The following ACADSB variants were observed in gnomAD, a reference collection of about 807,000 sequenced individuals.
The protein encoded by ACADSB is short/branched chain specific acyl-CoA dehydrogenase, mitochondrial.
Under a neutral mutation model 54.1 loss-of-function variants are expected in ACADSB, and 40 were observed. The observed-to-expected ratio is 0.74, with a 90% CI of 0.57 to 0.96. The LOEUF (loss-of-function observed/expected upper bound fraction) is 0.96, where lower values mean the gene tolerates loss of function less well. ACADSB is among the 40% of genes least tolerant of loss of function. The pLI is 0.00. For missense variants in ACADSB, 530 were observed against 510.4 expected (o/e 1.04, Z -0.37); for synonymous variants, 182 against 182.8 (o/e 1.00, Z 0.03).
intron 1 of ACADSB, among the ~76,000 whole-genome samples, chr10:123,012,902 T>C (rs1016101638): frequency 1.3e-5 from 2 of 152,196 alleles, no homozygotes; most frequent in African/African-American, 4.8e-5. Context: ...ATTGGATTGG[T>C]CTGTTTTGAC....
intron 1 of ACADSB, among the ~76,000 whole-genome samples, chr10:123,032,110 G>A (rs1235133109): frequency 6.6e-6 from 1 of 151,964 alleles, no homozygotes; most frequent in Non-Finnish European, 1.5e-5. Context: ...CTCCCGAGTA[G>A]CTGGGATTAC....
At chr10:123,040,143 C>G (rs1027873825) in intron 3 of ACADSB, among the ~76,000 whole-genome samples, 1 of 149,550 alleles carries the variant, frequency 6.7e-6, no homozygotes, top group African/African-American at 2.5e-5. Context: ...GTCAGGGGTT[C>G]GAGACCAGAC....
At chr10:123,051,239 T>TTTCAGATATA in intron 9 of ACADSB, 53 bp downstream of exon 9, 1 of 1,476,374 alleles carries the variant, frequency 6.8e-7, no homozygotes, top group Non-Finnish European at 9.0e-7. Flanking sequence ...CCTTTTTTTT[T>TTTCAGATATA]TCAGATATAT....
At chr10:123,025,466 A>AAAATAAATAAAT (rs74899167) in intron 1 of ACADSB, among the ~76,000 whole-genome samples, 3 of 150,388 alleles carry the variant, frequency 2.0e-5, no homozygotes, top group African/African-American at 4.9e-5. Flanking sequence ...CCTGTCACGA[A>AAAATAAATAAAT]AAATAAATAA....
chr10:123,052,862 G>A lies in ACADSB; in HGVS notation c.1129-199G>A. The A allele has an allele frequency of 1.6e-6, 1 of 618,762 alleles. No individual in the cohort carries two copies. Among genetic ancestry groups the A allele is most frequent in the Non-Finnish European group, 2.9e-6 (1 of 340,870 alleles). 38.3% of individuals were successfully genotyped at this position (618,762 alleles called of 1,614,324 possible). A position where few individuals can be genotyped will look rare whatever the true frequency, so the allele number is the denominator to read the frequency against. ...ATGCTCTAATTTCTTAAGAAAATGG[G>A]GATTCTGTGAATTAATAGGATGTTT... On this transcript the variant is annotated intron_variant, in intron 9 of 10. Transcript: ENST00000358776. The surrounding 1 kb of genome is among the most constrained non-coding windows in gnomAD (Gnocchi z 4.2).
chr10:123,009,172 G>A lies in ACADSB; in HGVS notation c.42+101G>A, dbSNP rs916490844. ...CTAACGGGCCTCGGGGCGCCGGCCT[G>A]AGCCCCGCTCCACGTCCTGGGTCCC... On this transcript the variant is annotated intron_variant, in intron 1 of 10. Coordinates refer to ENST00000358776, the MANE Select transcript of ACADSB (RefSeq NM_001609.4). 2.0e-5 allele frequency: 26 copies of A among 1,311,298 alleles called. No individual in the cohort carries two copies. The African/African-American group carries it at 2.2e-4, about 11-fold the overall frequency. 81.2% of individuals were successfully genotyped at this position (1,311,298 alleles called of 1,614,324 possible).
intron 1 of ACADSB, among the ~76,000 whole-genome samples, chr10:123,033,031 C>A (rs982155295): frequency 1.9e-4 from 29 of 152,122 alleles, no homozygotes; most frequent in African/African-American, 6.5e-4. Context: ...TCTCCTTTAC[C>A]CTTCTTTTTA....
intron 8 of ACADSB, among the ~76,000 whole-genome samples, chr10:123,047,709 C>T (rs923708497): frequency 6.6e-6 from 1 of 152,082 alleles, no homozygotes; most frequent in African/African-American, 2.4e-5. Flanking sequence ...CTTACTTACC[C>T]CGGTTTAAAT....
intron 5 of ACADSB, 54 bp from the exon 6 acceptor site, chr10:123,042,992 A>T: frequency 2.5e-6 from 4 of 1,599,566 alleles, no homozygotes; most frequent in Non-Finnish European, 3.4e-6. Flanking sequence ...ACTCTTCAGA[A>T]ACAAGGCGTT....
At chr10:123,027,685 C>A in intron 1 of ACADSB, 2 of 346,508 alleles carry the variant, frequency 5.8e-6, no homozygotes, top group Middle Eastern at 9.9e-4. Context: ...AACATGGTAA[C>A]CCCTTGTTCC....
chr10:123,035,949 G>A (rs956830324), intron 2 of ACADSB, among the ~76,000 whole-genome samples: 5 of 152,226 alleles, frequency 3.3e-5, no homozygotes, highest in Non-Finnish European at 4.4e-5. Flanking sequence ...AAGTTCAGCT[G>A]ATTTGGAAGC....
At chr10:123,044,241 T>G (rs991437079) in intron 6 of ACADSB, 152 bp from the exon 7 acceptor site, 4 of 682,322 alleles carry the variant, frequency 5.9e-6, no homozygotes, top group African/African-American at 5.3e-5. Context: ...CAGAGAGCTG[T>G]GGAAAAACAG....
rs1850365623 is a variant in ACADSB at position 123,034,222 on chromosome 10, A to C, written c.43-134A>C. On this transcript the variant is annotated intron_variant, in intron 1 of 10. Transcript: ENST00000358776. ...ACAACTAATTTGTGTTATGTTTAAAAGACTGAATTTAAAAATGCGCTAGGT... is the reference window on the plus strand; with the variant it reads ...ACAACTAATTTGTGTTATGTTTAAACGACTGAATTTAAAAATGCGCTAGGT... 3 of 876,230 alleles carry C rather than the reference A, an allele frequency of 3.4e-6. No individual in the cohort carries two copies. The South Asian group carries it at 4.6e-5, about 13-fold the overall frequency. 54.3% of individuals were successfully genotyped at this position (876,230 alleles called of 1,614,324 possible).
rs923302721 is a variant in ACADSB at position 123,058,230 on chromosome 10, C to T, written c.*4465C>T. On this transcript the variant is annotated 3_prime_UTR_variant, in exon 11 of 11. Coordinates refer to ENST00000358776, the MANE Select transcript of ACADSB (RefSeq NM_001609.4). Reference sequence around the variant, plus strand: ...TTAATGTTATATATTGGATTGTATTCGATGTTACAAAACCAATATTCTATG... The same window carrying T: ...TTAATGTTATATATTGGATTGTATTTGATGTTACAAAACCAATATTCTATG... 4 of 151,678 alleles carry T rather than the reference C, an allele frequency of 2.6e-5. No individual in the cohort carries two copies. Among genetic ancestry groups the T allele is most frequent in the Non-Finnish European group, 4.4e-5 (3 of 67,962 alleles). The allele number at this position is 151,678 out of a possible 1,614,324, so 9.4% of individuals were successfully genotyped here.
rs1304531218 is a variant in ACADSB, at chr10:123,058,245, A to T, written c.*4480A>T. ...GGATTGTATTCGATGTTACAAAACC[A>T]ATATTCTATGGAGAATGAAAAAAAT... On this transcript the variant is annotated 3_prime_UTR_variant, in exon 11 of 11. Coordinates refer to ENST00000358776, the MANE Select transcript of ACADSB (RefSeq NM_001609.4). The T allele has an allele frequency of 6.6e-6, 1 of 152,258 alleles. No homozygotes were observed. The highest frequency in any genetic ancestry group is 1.5e-5 in the Non-Finnish European group (1 of 68,040). 9.4% of individuals were successfully genotyped at this position (152,258 alleles called of 1,614,324 possible).
chr10:123,038,289 C>T (rs1850425788), intron 3 of ACADSB, among the ~76,000 whole-genome samples: 1 of 152,166 alleles, frequency 6.6e-6, no homozygotes, highest in Admixed American at 6.5e-5. Context: ...CATGAAGAAA[C>T]CCTACTTTAG....
chr10:123,037,898 AC>A, intron 3 of ACADSB, 51 bp downstream of exon 3: 3 of 1,309,972 alleles, frequency 2.3e-6, no homozygotes, highest in Non-Finnish European at 2.2e-6. Flanking sequence ...AAATTCAGGG[AC>A]TGTAATGATA....
rs1850645648 is a variant in ACADSB, at chr10:123,052,506, G to T, written c.1129-555G>T. Among the ~76,000 whole-genome samples, 1 of 152,118 alleles carries T rather than the reference G, an allele frequency of 6.6e-6. No homozygotes were observed. Among genetic ancestry groups the T allele is most frequent in the African/African-American group, 2.4e-5 (1 of 41,414 alleles). ...TATCACAGCCACCCAGATAATTCAG[G>T]GTAATCTCTCCATCTCGTGTCCTTA... On this transcript the variant is annotated intron_variant, in intron 9 of 10. Transcript: ENST00000358776. The surrounding 1 kb of genome is among the most constrained non-coding windows in gnomAD (Gnocchi z 4.2).
Position 123,053,741 on chromosome 10 carries a change from A to G in ACADSB, c.1275A>G (p.Ala425=). The G allele has an allele frequency of 6.2e-7, 1 of 1,614,086 alleles. No individual in the cohort carries two copies. The highest frequency in any genetic ancestry group is 1.7e-5 in the Admixed American group (1 of 60,022). ...CCAACATCCAGTTGAACACCATTGC[A>G]AAGCATATCGATGCAGAATACTGAC... ...GASNIQLNTI[A]KHIDAEY The change falls in exon 11 of 11, where the codon GCA becomes GCG. Residue 425 remains alanine, a synonymous_variant. Transcript: ENST00000358776.
Sources: allele counts gnomAD v4.1 joint callset (sites outside exome capture counted in the v4.1 genomes callset), GRCh38; gene constraint gnomAD v4.1.1; non-coding constraint Gnocchi (gnomAD v3.1); transcripts MANE v1.5; gene names NCBI Gene and HGNC (gene_info 2026-07-23, HGNC 2026-07-21).